The following SVOPL variants were observed in gnomAD, a reference collection of about 807,000 sequenced individuals.
SVOPL encodes the protein putative transporter SVOPL.
SVOPL carries 60 observed loss-of-function variants against 61.0 expected under a neutral mutation model. The observed-to-expected ratio is 0.98, with a 90% CI of 0.80 to 1.22. The LOEUF (loss-of-function observed/expected upper bound fraction) is 1.22. SVOPL is among the 50% of genes most tolerant of loss of function. The pLI is 0.00. For missense variants in SVOPL, 662 were observed against 643.9 expected, an observed-to-expected ratio of 1.03 and a Z score of -0.30; for synonymous variants, 279 against 250.0, an observed-to-expected ratio of 1.12 and a Z score of -1.09.
At chr7:138,661,534 C>T in intron 5 of SVOPL, 3 of 985,314 alleles carry the variant, frequency 3.0e-6, no homozygotes, top group Non-Finnish European at 3.6e-6. Flanking sequence ...GTTTTTCTTA[C>T]CTTCCCTGTA....
chr7:138,689,087 C>G, intron 1 of SVOPL: 3 of 743,742 alleles, frequency 4.0e-6, no homozygotes, highest in Non-Finnish European at 7.5e-6. Flanking sequence ...CCCAGGTCAT[C>G]AAGGGTATGC....
chr7:138,597,031 GTTGTGTGACA>G, intron 14 of SVOPL: 1 of 1,156,724 alleles, frequency 8.6e-7, no homozygotes, highest in Non-Finnish European at 1.1e-6. Context: ...CGGTTATGGA[GTTGTGTGACA>G]CCAAAACTCT....
At chr7:138,605,674 A>G (rs1398073420) in intron 14 of SVOPL, among the ~76,000 whole-genome samples, 1 of 151,272 alleles carries the variant, frequency 6.6e-6, no homozygotes, top group African/African-American at 2.4e-5. Context: ...AATGACAGTC[A>G]TTCTGGAAAC....
intron 1 of SVOPL, among the ~76,000 whole-genome samples, chr7:138,681,466 C>T (rs1802699483): frequency 6.6e-6 from 1 of 151,946 alleles, no homozygotes; most frequent in African/African-American, 2.4e-5. Context: ...CCTGGGGCAT[C>T]TTGTCGTAGC....
rs59361038 is a variant in SVOPL, at chr7:138,618,709, C to CGA, written c.1353+2335_1353+2336dup. 2.3e-4 allele frequency among the ~76,000 whole-genome samples: 30 copies of CGA among 129,878 alleles called. No individual in the cohort carries two copies. In the East Asian group the frequency reaches 3.6e-3, roughly 16 times the overall value. 85.2% of individuals were successfully genotyped at this position (129,878 alleles called of 152,430 possible). A position where few individuals can be genotyped will look rare whatever the true frequency, so the allele number is the denominator to read the frequency against. On this transcript the variant is annotated intron_variant, in intron 14 of 15. Coordinates refer to ENST00000674285, the MANE Select transcript of SVOPL (RefSeq NM_001139456.2). ...GAATGAGAGCACGCGTGCACACGCG[C>CGA]GAGAGAGAGAGAGAGGAAGGAAGGA...
At chr7:138,618,786 CAG>C (rs1429158447) in intron 14 of SVOPL, among the ~76,000 whole-genome samples, 2 of 151,100 alleles carry the variant, frequency 1.3e-5, no homozygotes, top group Non-Finnish European at 2.9e-5. Flanking sequence ...AGGAAGGAAA[CAG>C]AAAGATAGGA....
intron 14 of SVOPL, among the ~76,000 whole-genome samples, chr7:138,602,890 C>T (rs561732775): frequency 6.6e-6 from 1 of 152,046 alleles, no homozygotes; most frequent in Non-Finnish European, 1.5e-5. Context: ...AACAAGTGAA[C>T]CAAACTTTGA....
intron 14 of SVOPL, among the ~76,000 whole-genome samples, chr7:138,609,374 C>G (rs932951396): frequency 6.6e-6 from 1 of 151,496 alleles, no homozygotes; most frequent in Non-Finnish European, 1.5e-5. Flanking sequence ...CAGCTGGGCC[C>G]GATGGCTCAC....
chr7:138,622,174 C>CTA (rs1563096469), intron 13 of SVOPL, among the ~76,000 whole-genome samples: 1 of 44,384 alleles, frequency 2.3e-5, no homozygotes, highest in Non-Finnish European at 5.3e-5. Flanking sequence ...ATGTATCTAT[C>CTA]TGTCTATGTA....
intron 9 of SVOPL, among the ~76,000 whole-genome samples, chr7:138,640,002 C>T (rs1241543741): frequency 3.3e-5 from 5 of 151,964 alleles, no homozygotes; most frequent in Admixed American, 3.3e-4. Flanking sequence ...GTGATCTTCT[C>T]ATTTCAGCCT....
intron 9 of SVOPL, among the ~76,000 whole-genome samples, chr7:138,633,574 G>T (rs1800319254): frequency 1.0e-5 from 1 of 95,844 alleles, no homozygotes; most frequent in African/African-American, 2.8e-5. Flanking sequence ...AGAACCATGA[G>T]CCAAATAAAT....
intron 3 of SVOPL, 100 bp from the exon 4 acceptor site, chr7:138,672,217 G>A (rs543482316): frequency 9.2e-7 from 1 of 1,081,864 alleles, no homozygotes; most frequent in South Asian, 1.4e-5. Flanking sequence ...TGTCCCCTTT[G>A]TCCTTCCCCA....
chr7:138,620,917 A>C (rs1486409177), intron 14 of SVOPL, 129 bp downstream of exon 14: 1 of 830,596 alleles, frequency 1.2e-6, no homozygotes, highest in African/African-American at 1.7e-5. Flanking sequence ...AACAGCAGGG[A>C]AACGGCACCT....
chr7:138,688,479 AG>A (rs1197875716), intron 1 of SVOPL, among the ~76,000 whole-genome samples: 2 of 152,162 alleles, frequency 1.3e-5, no homozygotes. Flanking sequence ...CATGTTGGTC[AG>A]GCTGGTCTTG....
intron 13 of SVOPL, among the ~76,000 whole-genome samples, chr7:138,624,612 T>G (rs752676336): frequency 6.6e-6 from 1 of 152,068 alleles, no homozygotes; most frequent in Non-Finnish European, 1.5e-5. Context: ...AACACGAAAT[T>G]GGAATACAAA....
intron 6 of SVOPL, among the ~76,000 whole-genome samples, chr7:138,656,745 TAAG>T (rs773265106): frequency 6.6e-5 from 10 of 152,098 alleles, no homozygotes; most frequent in Non-Finnish European, 1.3e-4. Context: ...TTCTAACACT[TAAG>T]AAATATAAGC....
At position 138,664,511 on chromosome 7, in the gene SVOPL, G is replaced by A. The variant is rs555727888; in HGVS notation, c.274-1366C>T. Among the ~76,000 whole-genome samples, 8 of 130,714 alleles carry A rather than the reference G, an allele frequency of 6.1e-5. No individual in the cohort carries two copies. The South Asian group carries it at 1.0e-3, about 17-fold the overall frequency. 85.8% of individuals were successfully genotyped at this position (130,714 alleles called of 152,430 possible). A position where few individuals can be genotyped will look rare whatever the true frequency, so the allele number is the denominator to read the frequency against. ...CTGGGCAAGCCCCTGACCCTTTATC[G>A]GGCGCGCGCGCCTAACCCTCGAGCA... On this transcript the variant is annotated intron_variant, in intron 4 of 15. Transcript: ENST00000674285.
intron 4 of SVOPL, among the ~76,000 whole-genome samples, chr7:138,667,896 A>G (rs750578810): frequency 7.9e-5 from 12 of 152,212 alleles, no homozygotes; most frequent in Non-Finnish European, 1.8e-4. Context: ...CAAAGATGAT[A>G]ACCGCCCTTT....
chr7:138,671,409 G>A (rs981619805), intron 4 of SVOPL, among the ~76,000 whole-genome samples: 16 of 152,146 alleles, frequency 1.1e-4, no homozygotes, highest in African/African-American at 3.1e-4. Context: ...GCGCAATGGC[G>A]TGGTCTTGGC....
Sources: allele counts gnomAD v4.1 joint callset (sites outside exome capture counted in the v4.1 genomes callset), GRCh38; gene constraint gnomAD v4.1.1; transcripts MANE v1.5; gene names NCBI Gene and HGNC (gene_info 2026-07-23, HGNC 2026-07-21).